Variants in HDAC4 observed in about 807,000 individuals in gnomAD.
HDAC4 encodes the protein histone deacetylase 4.
In HDAC4, 16 loss-of-function variants were observed where a neutral mutation model predicts 135.1. The observed-to-expected ratio is 0.12, with a 90% CI of 0.08 to 0.18. The LOEUF (loss-of-function observed/expected upper bound fraction) is 0.18. Among genes scored for constraint, HDAC4 ranks in the 10% least tolerant of loss-of-function variants. HDAC4 has a pLI of 1.00. For synonymous variants in HDAC4, 685 were observed against 653.4 expected, an observed-to-expected ratio of 1.05 and a Z score of -0.74; for missense variants, 1,143 against 1,511.8, an observed-to-expected ratio of 0.76 and a Z score of 4.05.
chr2:239,296,580 T>C (rs1437406122), intron 2 of HDAC4, among the ~76,000 whole-genome samples: 1 of 152,240 alleles, frequency 6.6e-6, no homozygotes, highest in African/African-American at 2.4e-5. Context: ...TAAGAGAAAC[T>C]GCGCTGTTTT....
At chr2:239,214,022 T>G (rs2153103673) in intron 3 of HDAC4, among the ~76,000 whole-genome samples, 1 of 152,368 alleles carries the variant, frequency 6.6e-6, no homozygotes, top group South Asian at 2.1e-4. Context: ...ACAGGCTCAC[T>G]CTGGGTGTTA....
At chr2:239,057,081 G>A (rs1311669150) in intron 24 of HDAC4, among the ~76,000 whole-genome samples, 1 of 151,938 alleles carries the variant, frequency 6.6e-6, no homozygotes, top group Admixed American at 6.6e-5. Flanking sequence ...ACATTCTGGA[G>A]TTAATAGTCA....
At chr2:239,345,603 A>ACACACACCCTAACACACACATT (rs1280609939) in intron 2 of HDAC4, among the ~76,000 whole-genome samples, 3 of 150,964 alleles carry the variant, frequency 2.0e-5, no homozygotes, top group African/African-American at 7.3e-5. Flanking sequence ...ACACACACAT[A>ACACACACCCTAACACACACATT]CACACACCCT....
intron 2 of HDAC4, among the ~76,000 whole-genome samples, chr2:239,294,944 G>T (rs1041154095): frequency 6.6e-6 from 1 of 152,140 alleles, no homozygotes; most frequent in Non-Finnish European, 1.5e-5. Flanking sequence ...CAACGGCTTC[G>T]GGACAACGCC....
Position 239,095,064 on chromosome 2 carries a change from G to C in HDAC4, c.2234-8C>G. The C allele has an allele frequency of 6.2e-7, 1 of 1,613,818 alleles. No individual in the cohort carries two copies. The highest frequency in any genetic ancestry group is 8.5e-7 in the Non-Finnish European group (1 of 1,179,952). On this transcript the variant is annotated splice_region_variant and splice_polypyrimidine_tract_variant and intron_variant, in intron 16 of 26. Transcript: ENST00000543185. Reference sequence around the variant, plus strand: ...ACACGGAGGCGAGCGAGCCTGTGGGGGGGAGGGAGACGGTCAGAGAGGCCA... The same window carrying C: ...ACACGGAGGCGAGCGAGCCTGTGGGCGGGAGGGAGACGGTCAGAGAGGCCA...
chr2:239,091,398 G>A (rs1236085736), intron 17 of HDAC4: 3 of 152,314 alleles, frequency 2.0e-5, no homozygotes, highest in African/African-American at 7.2e-5. Flanking sequence ...CCCGGTGGAG[G>A]TCTTAGAAGC....
rs115380532 is a variant in HDAC4 at position 239,198,345 on chromosome 2, C to A, written c.95-8268G>T. Reference sequence around the variant, plus strand: ...TGACTGGAGGTGGCATCATCAGGAACCCCCTGGCTCAGTGCCCAGAGAACC... The same window carrying A: ...TGACTGGAGGTGGCATCATCAGGAAACCCCTGGCTCAGTGCCCAGAGAACC... On this transcript the variant is annotated intron_variant, in intron 3 of 26. Transcript: ENST00000543185. Among the ~76,000 whole-genome samples the A allele has an allele frequency of 2.8e-3, 426 of 152,278 alleles. 3 individuals are homozygous for A. Among genetic ancestry groups the A allele is most frequent in the Non-Finnish European group, 5.2e-3 (354 of 68,026 alleles).
intron 17 of HDAC4, chr2:239,094,056 C>T (rs2036762205): frequency 1.0e-6 from 1 of 985,324 alleles, no homozygotes. Context: ...AGACCTTGAG[C>T]TTCACCCTGC....
intron 21 of HDAC4, 39 bp downstream of exon 21, chr2:239,082,063 C>T (rs1239281471): frequency 1.9e-6 from 3 of 1,595,804 alleles, no homozygotes; most frequent in Non-Finnish European, 2.6e-6. Context: ...TCCCCGCAGT[C>T]CCCCTTTCCC....
chr2:239,192,254 G>C (rs1348110389), intron 3 of HDAC4, among the ~76,000 whole-genome samples: 1 of 119,346 alleles, frequency 8.4e-6, no homozygotes, highest in African/African-American at 3.3e-5. Flanking sequence ...ACACATAGGT[G>C]AGGACTGTTC....
At chr2:239,112,039 G>A (rs2038722749) in intron 13 of HDAC4, among the ~76,000 whole-genome samples, 1 of 152,180 alleles carries the variant, frequency 6.6e-6, no homozygotes, top group Admixed American at 6.5e-5. Flanking sequence ...AGGGAGGCCT[G>A]GCCCAGTATG....
chr2:239,116,520 G>A (rs1260121716), intron 12 of HDAC4, among the ~76,000 whole-genome samples: 3 of 152,160 alleles, frequency 2.0e-5, no homozygotes, highest in African/African-American at 4.8e-5. Flanking sequence ...TTCCTGCTTT[G>A]CCCCACCTGG....
At chr2:239,087,431 C>A in intron 19 of HDAC4, 128 bp downstream of exon 19, 1 of 876,398 alleles carries the variant, frequency 1.1e-6, no homozygotes, top group Non-Finnish European at 1.8e-6. Context: ...AGCCGGCATG[C>A]GGCACATCCT....
chr2:239,082,749 G>A (rs1348477904), intron 20 of HDAC4, among the ~76,000 whole-genome samples: 2 of 152,252 alleles, frequency 1.3e-5, no homozygotes, highest in Non-Finnish European at 1.5e-5. Context: ...ACAGTACGGG[G>A]TCCAGGCCCC....
chr2:239,054,046 T>C (rs1396487140), intron 25 of HDAC4, among the ~76,000 whole-genome samples: 2 of 151,188 alleles, frequency 1.3e-5, no homozygotes, highest in African/African-American at 4.9e-5. Flanking sequence ...GGTGGAGGGG[T>C]ACTGCGTCAG....
intron 6 of HDAC4, among the ~76,000 whole-genome samples, chr2:239,160,801 G>A (rs2042744556): frequency 6.6e-6 from 1 of 152,260 alleles, no homozygotes; most frequent in South Asian, 2.1e-4. Flanking sequence ...CGTGTTGCTT[G>A]CTTTCATGTC....
chr2:239,195,432 AT>A (rs1161815857), intron 3 of HDAC4, among the ~76,000 whole-genome samples: 1 of 152,240 alleles, frequency 6.6e-6, no homozygotes, highest in East Asian at 1.9e-4. Context: ...CCTAATGAGG[AT>A]CCTGGGAGCC....
At chr2:239,137,359 A>G (rs2041038025) in intron 9 of HDAC4, among the ~76,000 whole-genome samples, 1 of 152,182 alleles carries the variant, frequency 6.6e-6, no homozygotes, top group African/African-American at 2.4e-5. Context: ...GCCACAGAGG[A>G]GCTGTCCCCT....
rs928698286 is a variant in HDAC4 at position 239,307,279 on chromosome 2, G to A, written c.22+45399C>T. On this transcript the variant is annotated intron_variant, in intron 2 of 26. Transcript: ENST00000543185. The surrounding 1 kb of genome is among the most constrained non-coding windows in gnomAD (Gnocchi z 4.8). Reference sequence around the variant, plus strand: ...GGGGCTGTGCTCAGGACCCTCAGGGGACCATGGGCTACTTTCAGAAACAAG... The same window carrying A: ...GGGGCTGTGCTCAGGACCCTCAGGGAACCATGGGCTACTTTCAGAAACAAG... Among the ~76,000 whole-genome samples the A allele has an allele frequency of 6.6e-6, 1 of 152,110 alleles. No individual in the cohort carries two copies. Among genetic ancestry groups the A allele is most frequent in the Non-Finnish European group, 1.5e-5 (1 of 68,014 alleles).
Sources: gnomAD v4.1 joint callset for allele counts (sites outside exome capture counted in the v4.1 genomes callset) on GRCh38, gnomAD v4.1.1 for gene constraint, Gnocchi (gnomAD v3.1) non-coding constraint, MANE v1.5 for transcripts, NCBI Gene and HGNC (gene_info 2026-07-23, HGNC 2026-07-21) for gene names.